Variants in SH3BP2 observed in about 807,000 individuals in gnomAD.
The protein encoded by SH3BP2 is SH3 domain binding protein 2, also known as SH3 domain-binding protein 2.
Under a neutral mutation model 56.2 loss-of-function variants are expected in SH3BP2, and 38 were observed. That is an observed-to-expected ratio of 0.68 (90% CI 0.52 to 0.89). SH3BP2 has a LOEUF of 0.89. Ranked by LOEUF, SH3BP2 falls within the 40% of genes least tolerant of loss-of-function variation. The probability of loss-of-function intolerance (pLI) is 0.00; values close to 1 mark genes in which losing one functional copy is unlikely to be tolerated. For missense variants in SH3BP2, 748 were observed against 762.6 expected, an observed-to-expected ratio of 0.98 and a Z score of 0.23; for synonymous variants, 346 against 316.7, an observed-to-expected ratio of 1.09 and a Z score of -0.98.
intron 10 of SH3BP2, 104 bp from the exon 11 acceptor site, chr4:2,832,227 C>A: frequency 8.8e-7 from 1 of 1,134,144 alleles, no homozygotes; most frequent in Non-Finnish European, 1.3e-6. Flanking sequence ...CTGAGACCTA[C>A]AACAGCGAGA....
intron 1 of SH3BP2, chr4:2,818,387 C>T (rs1370117398): frequency 1.7e-6 from 2 of 1,179,872 alleles, no homozygotes; most frequent in African/African-American, 1.6e-5. Context: ...GCCGCGTGGA[C>T]GCCGTGAGTA....
In SH3BP2 at chr4:2,832,040, C is replaced by T. The variant is rs1577371065; in HGVS notation, c.1406+62C>T. ...CATGCCCGGCTTCCTGCTTCTGTGT[C>T]CCTCTCACTAGCTTCCGTGTTGGGG... On this transcript the variant is annotated intron_variant, in intron 10 of 12. Coordinates refer to ENST00000503393, the MANE Select transcript of SH3BP2 (RefSeq NM_001122681.2). The T allele has an allele frequency of 2.6e-6, 4 of 1,540,898 alleles. No homozygotes were observed. In the East Asian group the frequency reaches 9.0e-5, roughly 35 times the overall value.
intron 1 of SH3BP2, chr4:2,798,990 C>A: frequency 3.0e-6 from 3 of 985,682 alleles, no homozygotes; most frequent in Non-Finnish European, 2.4e-6. Flanking sequence ...CCAGGAGCTG[C>A]ACGCAGCACG....
At chr4:2,812,025 G>A in intron 1 of SH3BP2, 1 of 445,476 alleles carries the variant, frequency 2.2e-6, no homozygotes. Context: ...CCTGCGGGGA[G>A]GCAGCAGGGA....
At chr4:2,814,090 C>T (rs1007061277) in intron 1 of SH3BP2, among the ~76,000 whole-genome samples, 3 of 152,220 alleles carry the variant, frequency 2.0e-5, no homozygotes, top group African/African-American at 7.2e-5. Flanking sequence ...AGGAGCCCAG[C>T]CTCCCAGAGC....
intron 7 of SH3BP2, among the ~76,000 whole-genome samples, chr4:2,828,800 C>G (rs910753544): frequency 2.6e-5 from 4 of 152,204 alleles, no homozygotes; most frequent in Non-Finnish European, 5.9e-5. Flanking sequence ...AGTTCCAGCG[C>G]TCAGTCCTGA....
chr4:2,831,474 G>T lies in SH3BP2; in HGVS notation c.1242-97G>T, dbSNP rs1423880749. On this transcript the variant is annotated intron_variant, in intron 8 of 12. Coordinates refer to ENST00000503393, the MANE Select transcript of SH3BP2 (RefSeq NM_001122681.2). The surrounding 1 kb of genome is among the most constrained non-coding windows in gnomAD (Gnocchi z 4.1). ...CAGGGGCCATAGCAGGCAGCTTGCCGTCCTCACACAGAGGGTGGAGTGGGG... is the reference window on the plus strand; with the variant it reads ...CAGGGGCCATAGCAGGCAGCTTGCCTTCCTCACACAGAGGGTGGAGTGGGG... 4 of 907,912 alleles carry T rather than the reference G, an allele frequency of 4.4e-6. No individual in the cohort carries two copies. The highest frequency in any genetic ancestry group is 7.1e-6 in the Non-Finnish European group (4 of 560,836). The allele number at this position is 907,912 out of a possible 1,614,324, so 56.2% of individuals were successfully genotyped here.
At position 2,810,175 on chromosome 4, in the gene SH3BP2, C is replaced by T. The variant is rs1270134661; in HGVS notation, c.-4-10439C>T. Among the ~76,000 whole-genome samples, 4 of 152,086 alleles carry T rather than the reference C, an allele frequency of 2.6e-5. No individual in the cohort carries two copies. The highest frequency in any genetic ancestry group is 2.6e-4 in the Admixed American group (4 of 15,286). On this transcript the variant is annotated intron_variant, in intron 1 of 12. Coordinates refer to ENST00000503393, the MANE Select transcript of SH3BP2 (RefSeq NM_001122681.2). The surrounding 1 kb of genome is among the most constrained non-coding windows in gnomAD (Gnocchi z 4.2). ...AAGCTAAGGCCCAGAGAGGAGGGGT[C>T]TGCAGAGGTCACCCAGCAGCCCAGG...
intron 1 of SH3BP2, among the ~76,000 whole-genome samples, chr4:2,812,815 G>C (rs1237775763): frequency 6.7e-6 from 1 of 149,442 alleles, no homozygotes; most frequent in Non-Finnish European, 1.5e-5. Flanking sequence ...TCATGATACA[G>C]CCTGCAGGGT....
At chr4:2,825,791 C>T (rs572209845) in intron 5 of SH3BP2, among the ~76,000 whole-genome samples, 312 of 152,360 alleles carry the variant, frequency 2.0e-3, no homozygotes, top group African/African-American at 7.2e-3. Flanking sequence ...CCCCCTACGC[C>T]CACCCTGGCT....
Position 2,811,024 on chromosome 4 carries a change from G to A in SH3BP2, c.-4-9590G>A, listed in dbSNP as rs550178113. On this transcript the variant is annotated intron_variant, in intron 1 of 12. Coordinates refer to ENST00000503393, the MANE Select transcript of SH3BP2 (RefSeq NM_001122681.2). Reference sequence around the variant, plus strand: ...GCTGGCACAGGCTGGGGACGCCAGGGTGTCTGTGCCCATGCTAAGGAGGCC... The same window carrying A: ...GCTGGCACAGGCTGGGGACGCCAGGATGTCTGTGCCCATGCTAAGGAGGCC... Among the ~76,000 whole-genome samples the A allele has an allele frequency of 1.6e-3, 246 of 152,350 alleles. 1 individual carries two copies. Among genetic ancestry groups the A allele is most frequent in the African/African-American group, 5.6e-3 (232 of 41,580 alleles).
rs1725144348 is a variant in SH3BP2, at chr4:2,834,011, G to C, written c.*177G>C. On this transcript the variant is annotated 3_prime_UTR_variant, in exon 13 of 13. Transcript: ENST00000503393. ...GTCTCATCCAGCAGGTTGGGTTCTAGGGCTGAACCAGGCGCCAGGCTCCAG... is the reference window on the plus strand; with the variant it reads ...GTCTCATCCAGCAGGTTGGGTTCTACGGCTGAACCAGGCGCCAGGCTCCAG... 21 of 748,678 alleles carry C rather than the reference G, an allele frequency of 2.8e-5. 2 individuals are homozygous for C. The South Asian group carries it at 4.0e-4, about 14-fold the overall frequency. 46.4% of individuals were successfully genotyped at this position (748,678 alleles called of 1,614,324 possible). A position where few individuals can be genotyped will look rare whatever the true frequency, so the allele number is the denominator to read the frequency against.
rs769722266 is a variant in SH3BP2 at position 2,829,896 on chromosome 4, C to T, written c.990C>T (p.Asn330=). The change falls in exon 8 of 13, where the codon AAC becomes AAT. Residue 330 remains asparagine, a synonymous_variant. Transcript: ENST00000503393. This position sits in a 1 kb window ranked among gnomAD's most constrained non-coding sequence, Gnocchi z 4.9. ...AAIMATATSR[N]CDKLKSFHLS... ...TCATGGCCACTGCCACCTCCAGAAA[C>T]TGTGACAAACTCAAGTCCTTCCACC... is the stretch of plus-strand genomic sequence containing the variant. 29 of 1,613,822 alleles carry T rather than the reference C, an allele frequency of 1.8e-5. No individual in the cohort carries two copies. The highest frequency in any genetic ancestry group is 2.3e-5 in the Non-Finnish European group (27 of 1,180,036).
At chr4:2,800,691 G>A (rs1255549361) in intron 1 of SH3BP2, among the ~76,000 whole-genome samples, 4 of 152,158 alleles carry the variant, frequency 2.6e-5, no homozygotes, top group Non-Finnish European at 5.9e-5. Flanking sequence ...ACGGGTCTGG[G>A]GCTGTGGTGG....
rs139658852 is a variant in SH3BP2 at position 2,815,272 on chromosome 4, A to G, written c.-4-5342A>G. ...GTGGGGCAGAGGATAGTAAGGTGGC[A>G]GGGGTGGGTTTCCCCTTGAATGGCC... On this transcript the variant is annotated intron_variant, in intron 1 of 12. Transcript: ENST00000503393. Among the ~76,000 whole-genome samples the G allele has an allele frequency of 3.9e-5, 6 of 152,312 alleles. No homozygotes were observed. In the East Asian group the frequency reaches 1.2e-3, roughly 29 times the overall value.
rs1560106702 is a variant in SH3BP2, at chr4:2,824,700, C to T, written c.327C>T (p.Phe109=). ...TCAGCAAGAAGCACCGCACGTGGTT[C>T]TTCTCGGCCTCCTCCGAGGAGGAGC... ...IHISKKHRTW[F]FSASSEEERK... The change falls in exon 4 of 13, where the codon TTC becomes TTT. Residue 109 remains phenylalanine, a synonymous_variant. Coordinates refer to ENST00000503393, the MANE Select transcript of SH3BP2 (RefSeq NM_001122681.2). 1 of 1,613,816 alleles carries T rather than the reference C, an allele frequency of 6.2e-7. No individual in the cohort carries two copies. Among genetic ancestry groups the T allele is most frequent in the East Asian group, 2.2e-5 (1 of 44,872 alleles).
chr4:2,832,907 C>T (rs1440655651), intron 11 of SH3BP2, 83 bp from the exon 12 acceptor site: 201 of 1,391,312 alleles, frequency 1.4e-4, no homozygotes, highest in Non-Finnish European at 1.7e-5. Context: ...ATGGTTCTGC[C>T]CCCCTATCCC....
intron 2 of SH3BP2, among the ~76,000 whole-genome samples, chr4:2,820,981 G>A (rs1352764502): frequency 6.6e-6 from 1 of 152,158 alleles, no homozygotes; most frequent in Admixed American, 6.5e-5. Flanking sequence ...AGCTGGCAAG[G>A]GGAGCTGCAG....
At chr4:2,807,576 A>G (rs1190596221) in intron 1 of SH3BP2, among the ~76,000 whole-genome samples, 1 of 152,074 alleles carries the variant, frequency 6.6e-6, no homozygotes, top group Non-Finnish European at 1.5e-5. Context: ...AGGATGAGGG[A>G]GCGTTTGGTT....
Sources: gnomAD v4.1 joint callset for allele counts (sites outside exome capture counted in the v4.1 genomes callset) on GRCh38, gnomAD v4.1.1 for gene constraint, Gnocchi (gnomAD v3.1) non-coding constraint, MANE v1.5 for transcripts, NCBI Gene and HGNC (gene_info 2026-07-23, HGNC 2026-07-21) for gene names.